PCDH15: variants seen among roughly 807,000 people sequenced by gnomAD.
The protein encoded by PCDH15 is protocadherin-15.
Under a neutral mutation model 178.5 loss-of-function variants are expected in PCDH15, and 129 were observed. That is an observed-to-expected ratio of 0.72 (90% confidence interval 0.63 to 0.84). The LOEUF is 0.84. Ranked by LOEUF, PCDH15 falls within the 40% of genes least tolerant of loss-of-function variation. The probability of loss-of-function intolerance (pLI) is 0.00; values close to 1 mark genes in which losing one functional copy is unlikely to be tolerated. For synonymous variants in PCDH15, 800 were observed against 732.0 expected (o/e 1.09, Z -1.50); for missense variants, 2,230 against 2,099.9 (o/e 1.06, Z -1.21).
At chr10:54,349,749 T>G (rs1943882304) in intron 5 of PCDH15, among the ~76,000 whole-genome samples, 1 of 152,208 alleles carries the variant, frequency 6.6e-6, no homozygotes, top group African/African-American at 2.4e-5. Flanking sequence ...AAAATATACT[T>G]GCTGATGAAG....
chr10:54,519,688 T>C (rs1160815722), intron 3 of PCDH15, among the ~76,000 whole-genome samples: 1 of 152,148 alleles, frequency 6.6e-6, no homozygotes, highest in Non-Finnish European at 1.5e-5. Context: ...TCAAGGACTT[T>C]CTTCACAGAA....
At chr10:54,432,521 T>C (rs1957085981) in intron 3 of PCDH15, among the ~76,000 whole-genome samples, 1 of 152,084 alleles carries the variant, frequency 6.6e-6, no homozygotes, top group African/African-American at 2.4e-5. Flanking sequence ...AAACTGGATA[T>C]CCATATGCAG....
At chr10:54,164,818 T>A (rs1258333124) in intron 13 of PCDH15, among the ~76,000 whole-genome samples, 3 of 152,282 alleles carry the variant, frequency 2.0e-5, no homozygotes, top group South Asian at 2.1e-4. Context: ...AGATATTATA[T>A]CTAAAGTTAC....
At chr10:55,289,921 C>CATACTTTAAGTGTTTCAAAGTTA (rs1564972969) in intron 1 of PCDH15, among the ~76,000 whole-genome samples, 9 of 151,922 alleles carry the variant, frequency 5.9e-5, no homozygotes, top group African/African-American at 2.2e-4. Flanking sequence ...GTAGTAAAAG[C>CATACTTTAAGTGTTTCAAAGTTA]AAGCTGGCTG....
chr10:55,157,768 A>T (rs1838931083), intron 2 of PCDH15, among the ~76,000 whole-genome samples: 1 of 151,634 alleles, frequency 6.6e-6, no homozygotes, highest in South Asian at 2.1e-4. Flanking sequence ...GAACACTTGG[A>T]CACAGGAAGG....
chr10:55,225,911 G>T (rs775722061), intron 1 of PCDH15, among the ~76,000 whole-genome samples: 1 of 152,020 alleles, frequency 6.6e-6, no homozygotes, highest in Admixed American at 6.5e-5. Context: ...ACAGCAAAGA[G>T]TAAGAGTGAG....
At chr10:55,404,852 T>G (rs1421081037) in intron 2 of PCDH15, among the ~76,000 whole-genome samples, 2 of 151,894 alleles carry the variant, frequency 1.3e-5, no homozygotes, top group Non-Finnish European at 2.9e-5. Flanking sequence ...TCTACATATT[T>G]ATATTTAATC....
chr10:54,172,701 A>G (rs2047043934), intron 13 of PCDH15, among the ~76,000 whole-genome samples: 1 of 152,206 alleles, frequency 6.6e-6, no homozygotes, highest in Admixed American at 6.5e-5. Context: ...CTAGTAAACC[A>G]GCAATATATA....
At chr10:54,864,502 G>T (rs931559053) in intron 3 of PCDH15, among the ~76,000 whole-genome samples, 1 of 152,128 alleles carries the variant, frequency 6.6e-6, no homozygotes, top group Non-Finnish European at 1.5e-5. Flanking sequence ...AAGGATAGAT[G>T]TACGGTTTAT....
intron 21 of PCDH15, among the ~76,000 whole-genome samples, chr10:53,963,577 G>A (rs1289797882): frequency 6.6e-6 from 1 of 152,088 alleles, no homozygotes; most frequent in Non-Finnish European, 1.5e-5. Context: ...AACATTTTAA[G>A]TCCAAACTAG....
chr10:53,861,845 T>G (rs1352291541), intron 27 of PCDH15, among the ~76,000 whole-genome samples: 1 of 152,074 alleles, frequency 6.6e-6, no homozygotes, highest in African/African-American at 2.4e-5. Context: ...TTTAGAGATA[T>G]TCATCATCTC....
intron 2 of PCDH15, among the ~76,000 whole-genome samples, chr10:54,586,202 T>C (rs1412006365): frequency 6.6e-6 from 1 of 152,190 alleles, no homozygotes; most frequent in Admixed American, 6.6e-5. Context: ...TTTAAATTTT[T>C]CTGAAAATAG....
chr10:54,940,494 T>C (rs1838034293), intron 2 of PCDH15, among the ~76,000 whole-genome samples: 1 of 152,148 alleles, frequency 6.6e-6, no homozygotes, highest in Non-Finnish European at 1.5e-5. Context: ...AGAAAGTATA[T>C]AGTGCTGTAT....
At chr10:54,369,350 C>T in intron 4 of PCDH15, 75 bp from the exon 5 acceptor site, 1 of 1,274,114 alleles carries the variant, frequency 7.8e-7, no homozygotes, top group Middle Eastern at 2.2e-4. Flanking sequence ...AGCACTCGTT[C>T]ATTCAGTACA....
chr10:54,796,985 A>T (rs994504456), intron 1 of PCDH15, among the ~76,000 whole-genome samples: 3 of 152,146 alleles, frequency 2.0e-5, no homozygotes, highest in East Asian at 1.9e-4. Context: ...GAATCAGAAA[A>T]GGCTCATTCT....
At chr10:54,494,002 T>C (rs56774628) in intron 3 of PCDH15, among the ~76,000 whole-genome samples, 14,751 of 147,442 alleles carry the variant, frequency 0.1, 703 homozygotes, top group East Asian at 0.11. Context: ...AACCAAACAC[T>C]GCATGTTCTC....
intron 6 of PCDH15, among the ~76,000 whole-genome samples, chr10:54,341,242 C>A (rs1198792054): frequency 1.3e-5 from 2 of 152,084 alleles, no homozygotes; most frequent in Non-Finnish European, 2.9e-5. Flanking sequence ...AAATTGTAAT[C>A]CCCATGTATT....
At chr10:55,179,757 T>C (rs1056022609) in intron 1 of PCDH15, among the ~76,000 whole-genome samples, 2 of 151,800 alleles carry the variant, frequency 1.3e-5, no homozygotes, top group Non-Finnish European at 2.9e-5. Context: ...GAAAGGGGTG[T>C]ATTGTTTCTG....
intron 2 of PCDH15, among the ~76,000 whole-genome samples, chr10:55,467,953 C>A: frequency 1.3e-5 from 1 of 75,574 alleles, no homozygotes; most frequent in South Asian, 3.5e-4. Flanking sequence ...GGCGATAGAG[C>A]CAGACTCCGT....
Sources: allele counts gnomAD v4.1 joint callset (sites outside exome capture counted in the v4.1 genomes callset), GRCh38; gene constraint gnomAD v4.1.1; transcripts MANE v1.5; gene names NCBI Gene and HGNC (gene_info 2026-07-23, HGNC 2026-07-21).